Variants in ASCC3 observed in about 807,000 individuals in gnomAD.
ASCC3 encodes activating signal cointegrator 1 complex subunit 3.
In ASCC3, 158 loss-of-function variants were observed where a neutral mutation model predicts 256.3. The observed-to-expected ratio is 0.62, with a 90% confidence interval of 0.54 to 0.70. ASCC3 has a LOEUF of 0.70. ASCC3 is among the 30% of genes least tolerant of loss of function. The probability of loss-of-function intolerance (pLI) is 0.00; values close to 1 mark genes in which losing one functional copy is unlikely to be tolerated. For synonymous variants in ASCC3, 948 were observed against 883.4 expected, an observed-to-expected ratio of 1.07 and a Z score of -1.30; for missense variants, 2,259 against 2,626.0, an observed-to-expected ratio of 0.86 and a Z score of 3.05.
chr6:100,749,621 A>T (rs1780845648), intron 10 of ASCC3, among the ~76,000 whole-genome samples: 1 of 151,980 alleles, frequency 6.6e-6, no homozygotes, highest in Non-Finnish European at 1.5e-5. Flanking sequence ...AATGGTTTAA[A>T]ATATATGATC....
intron 6 of ASCC3, 89 bp downstream of exon 6, chr6:100,800,211 A>G (rs981184822): frequency 1.6e-4 from 231 of 1,405,992 alleles, no homozygotes; most frequent in Admixed American, 2.6e-4. Flanking sequence ...AAAATCATCT[A>G]TACTGCTAAG....
At chr6:100,752,876 T>C (rs1447375109) in intron 10 of ASCC3, among the ~76,000 whole-genome samples, 1 of 152,162 alleles carries the variant, frequency 6.6e-6, no homozygotes, top group East Asian at 1.9e-4. Context: ...TGAGAGTAAG[T>C]ATGAAAAAAG....
rs78307878 is a variant in ASCC3, at chr6:100,681,035, T to C, written c.2152-1283A>G. The stretch of plus-strand genomic sequence containing the variant: ...AGACAGGGTGACACAAAGACATCTA[T>C]ACTTCTATAGAGGTATCTCTATATT... On this transcript the variant is annotated intron_variant, in intron 13 of 41. Transcript: ENST00000369162. Among the ~76,000 whole-genome samples the C allele has an allele frequency of 0.013, 1,947 of 152,252 alleles. 97 individuals are homozygous for C. In the East Asian group the frequency reaches 0.14, roughly 11 times the overall value.
chr6:100,854,869 G>T (rs1462487058), intron 3 of ASCC3, among the ~76,000 whole-genome samples: 1 of 152,042 alleles, frequency 6.6e-6, no homozygotes, highest in African/African-American at 2.4e-5. Flanking sequence ...TTCCATTTTA[G>T]ATTGTTTTAA....
Position 100,848,209 on chromosome 6 carries a change from A to G in ASCC3, c.740T>C (p.Leu247Pro). The change falls in exon 4 of 42, where the codon CTT becomes CCT. Residue 247 changes from leucine to proline, a missense_variant. Leu to Pro is a moderately conservative substitution (Grantham distance 98). Around this residue, in one of 2 missense-constraint regions of ASCC3, gnomAD observed 420 missense variants for 419.3 expected, o/e 1.00. Transcript: ENST00000369162. ...AAGCATATCATATAAAGTACAGCAA[A>G]GATCTTCTACTCTTGGCACTTCAGT... ...EMTEVPRVED[L>P]CCTLYDMLAS... is the part of the protein sequence containing the mutation. The G allele has an allele frequency of 6.2e-7, 1 of 1,613,376 alleles. No individual in the cohort carries two copies. The highest frequency in any genetic ancestry group is 8.5e-7 in the Non-Finnish European group (1 of 1,179,712).
At chr6:100,559,610 G>A (rs1769816323) in intron 36 of ASCC3, among the ~76,000 whole-genome samples, 1 of 152,130 alleles carries the variant, frequency 6.6e-6, no homozygotes, top group African/African-American at 2.4e-5. Flanking sequence ...AGCACTTTGG[G>A]AGGCCAAGGC....
chr6:100,801,448 T>TA (rs147610570), intron 5 of ASCC3, among the ~76,000 whole-genome samples: 10,246 of 152,038 alleles, frequency 0.067, 787 homozygotes, highest in East Asian at 0.3. Context: ...GAGAAGGAAT[T>TA]AAAAATAGCA....
intron 17 of ASCC3, among the ~76,000 whole-genome samples, chr6:100,653,690 AT>A: frequency 6.6e-6 from 1 of 151,812 alleles, no homozygotes; most frequent in East Asian, 2.0e-4. Context: ...TTATTATTAT[AT>A]GCAGATGGGA....
At chr6:100,716,544 G>A (rs1279429185) in intron 12 of ASCC3, among the ~76,000 whole-genome samples, 1 of 151,710 alleles carries the variant, frequency 6.6e-6, no homozygotes, top group East Asian at 1.9e-4. Flanking sequence ...GACCTATAAC[G>A]GCTAAGTAGG....
At chr6:100,626,601 T>G (rs544875004) in intron 29 of ASCC3, among the ~76,000 whole-genome samples, 19 of 152,098 alleles carry the variant, frequency 1.2e-4, no homozygotes, top group Non-Finnish European at 2.2e-4. Context: ...TCATTCCATA[T>G]AGATATATGC....
intron 4 of ASCC3, among the ~76,000 whole-genome samples, chr6:100,837,113 A>C (rs7744932): frequency 0.012 from 1,788 of 152,212 alleles, 40 homozygotes; most frequent in African/African-American, 0.041. Flanking sequence ...CAACAGGTAT[A>C]GGAAAAAAAT....
intron 4 of ASCC3, among the ~76,000 whole-genome samples, chr6:100,838,412 G>A (rs1345159291): frequency 6.6e-6 from 1 of 151,900 alleles, no homozygotes; most frequent in Non-Finnish European, 1.5e-5. Flanking sequence ...AAATTATTAA[G>A]TATTCATACA....
intron 4 of ASCC3, among the ~76,000 whole-genome samples, chr6:100,819,951 C>A (rs1217216511): frequency 1.3e-5 from 2 of 151,972 alleles, no homozygotes; most frequent in Non-Finnish European, 2.9e-5. Context: ...AAGAGTTCTA[C>A]ACTAAAAACT....
At position 100,802,812 on chromosome 6, in the gene ASCC3, C is replaced by T. The variant is rs1325450728; in HGVS notation, c.923-2308G>A. On this transcript the variant is annotated intron_variant, in intron 5 of 41. Coordinates refer to ENST00000369162, the MANE Select transcript of ASCC3 (RefSeq NM_006828.4). ...GCTAGTAGTTCAAGACTACCCTGGGCAACATGGGGAGATCTCATCTTTATA... is the reference window on the plus strand; with the variant it reads ...GCTAGTAGTTCAAGACTACCCTGGGTAACATGGGGAGATCTCATCTTTATA... Among the ~76,000 whole-genome samples the T allele has an allele frequency of 2.0e-5, 3 of 151,640 alleles. No individual in the cohort carries two copies. The East Asian group carries it at 5.8e-4, about 30-fold the overall frequency.
intron 4 of ASCC3, among the ~76,000 whole-genome samples, chr6:100,824,543 C>T (rs17061132): frequency 0.013 from 1,911 of 152,158 alleles, 43 homozygotes; most frequent in African/African-American, 0.045. Flanking sequence ...AGAACCCTTT[C>T]GAATTAGAAT....
intron 36 of ASCC3, among the ~76,000 whole-genome samples, chr6:100,557,054 T>C (rs998492773): frequency 2.6e-5 from 4 of 152,170 alleles, no homozygotes; most frequent in Non-Finnish European, 5.9e-5. Flanking sequence ...ATTTTAGACA[T>C]GTTGAGTATG....
At chr6:100,820,370 A>G (rs184255874) in intron 4 of ASCC3, among the ~76,000 whole-genome samples, 5 of 152,346 alleles carry the variant, frequency 3.3e-5, no homozygotes, top group Admixed American at 2.6e-4. Flanking sequence ...AAAGAATGCC[A>G]AGACTATTTA....
intron 14 of ASCC3, among the ~76,000 whole-genome samples, chr6:100,670,633 CT>C (rs35864984): frequency 0.032 from 4,481 of 141,314 alleles, 193 homozygotes; most frequent in African/African-American, 0.1. Context: ...ATACAACCAA[CT>C]TTTTTTCCCC....
Position 100,662,525 on chromosome 6 carries a change from C to T in ASCC3, c.2298G>A (p.Ser766=), listed in dbSNP as rs1181986149. 6.2e-6 allele frequency: 10 copies of T among 1,612,634 alleles called. No individual in the cohort carries two copies. The highest frequency in any genetic ancestry group is 4.0e-5 in the African/African-American group (3 of 74,810). ...ATAATTCTCGTACTTGCTTATTTCT[C>T]GACCTTTGTACCTAGATACCAAGAA... The part of the protein sequence containing the change: ...YVLAEKQVQR[S]RNKQVRELFP... Residue 766 remains serine (S), a synonymous_variant, in exon 15 of 42, where the codon TCG becomes TCA. Coordinates refer to ENST00000369162, the MANE Select transcript of ASCC3 (RefSeq NM_006828.4).
Sources: gnomAD v4.1 joint callset for allele counts (sites outside exome capture counted in the v4.1 genomes callset) on GRCh38, gnomAD v4.1.1 for gene constraint, gnomAD v4.1.1 regional missense constraint, MANE v1.5 for transcripts, NCBI Gene and HGNC (gene_info 2026-07-23, HGNC 2026-07-21) for gene names.